RBFOX1: variants seen among roughly 807,000 people sequenced by gnomAD.
RBFOX1 encodes the protein RNA binding fox-1 homolog 1, also known as RNA binding protein fox-1 homolog 1.
Under a neutral mutation model 57.7 loss-of-function variants are expected in RBFOX1, and 8 were observed. The observed-to-expected ratio is 0.14, with a 90% CI of 0.08 to 0.25. The LOEUF (loss-of-function observed/expected upper bound fraction) is 0.25, where lower values mean the gene tolerates loss of function less well. Ranked by LOEUF, RBFOX1 falls within the 10% of genes least tolerant of loss-of-function variation. The probability of loss-of-function intolerance (pLI) is 1.00; values close to 1 mark genes in which losing one functional copy is unlikely to be tolerated. For missense variants in RBFOX1, 611 were observed against 548.5 expected (o/e 1.11, Z -1.14); for synonymous variants, 326 against 222.4 (o/e 1.47, Z -4.15).
At chr16:5,621,208 C>T (rs2151281501) in intron 3 of RBFOX1, among the ~76,000 whole-genome samples, 1 of 152,264 alleles carries the variant, frequency 6.6e-6, no homozygotes, top group South Asian at 2.1e-4. Context: ...AACTCTTCGG[C>T]TCATGGGATC....
At chr16:6,689,177 G>A (rs2059870512) in intron 3 of RBFOX1, among the ~76,000 whole-genome samples, 1 of 152,126 alleles carries the variant, frequency 6.6e-6, no homozygotes, top group Non-Finnish European at 1.5e-5. Flanking sequence ...TGGGTCAAAT[G>A]TTATTTCTTG....
At position 6,074,148 on chromosome 16, in the gene RBFOX1, C is replaced by G. The variant is rs146452424; in HGVS notation, c.-127+54156C>G. ...TAGTTTTAGTAGAGACAGGATTTCA[C>G]CATGTTAGCCATCATGGTCTTGACC... On this transcript the variant is annotated intron_variant, in intron 1 of 15. Transcript: ENST00000550418. Among the ~76,000 whole-genome samples, 310 of 152,214 alleles carry G rather than the reference C, an allele frequency of 2.0e-3. 1 individual carries two copies. The highest frequency in any genetic ancestry group is 6.4e-3 in the African/African-American group (267 of 41,528).
chr16:7,014,182 A>G (rs2093789262), intron 3 of RBFOX1, among the ~76,000 whole-genome samples: 1 of 151,922 alleles, frequency 6.6e-6, no homozygotes, highest in African/African-American at 2.4e-5. Context: ...ACAAATGAAA[A>G]TAACCTGTTC....
At chr16:5,981,947 G>A (rs2060182696) in intron 4 of RBFOX1, among the ~76,000 whole-genome samples, 1 of 152,226 alleles carries the variant, frequency 6.6e-6, no homozygotes, top group Non-Finnish European at 1.5e-5. Flanking sequence ...GAACTATGCA[G>A]TCCCAAAGGT....
At chr16:5,485,585 A>T (rs867356772) in intron 2 of RBFOX1, among the ~76,000 whole-genome samples, 1 of 152,192 alleles carries the variant, frequency 6.6e-6, no homozygotes. Flanking sequence ...TTTATTCCGC[A>T]TTATACCTCA....
In RBFOX1 at chr16:5,541,669, T is replaced by C. The variant is rs556621828; in HGVS notation, c.259-57233T>C. Among the ~76,000 whole-genome samples the C allele has an allele frequency of 1.2e-4, 19 of 152,316 alleles. No homozygotes were observed. In the East Asian group the frequency reaches 3.1e-3, roughly 25 times the overall value. On this transcript the variant is annotated intron_variant, in intron 2 of 2. Coordinates refer to the RBFOX1 transcript ENST00000585867. ...CCCTGAGCAGTTCCCAGCATGAGTT[T>C]TCCCTTTAGCTTAGTGATTTGGGGG... is the stretch of plus-strand genomic sequence containing the variant.
At chr16:7,381,961 G>C (rs981748532) in intron 4 of RBFOX1, among the ~76,000 whole-genome samples, 6 of 152,150 alleles carry the variant, frequency 3.9e-5, no homozygotes, top group Non-Finnish European at 8.8e-5. Context: ...TGTCCCCTGG[G>C]GGATGAAATG....
intron 4 of RBFOX1, among the ~76,000 whole-genome samples, chr16:7,269,939 T>C (rs1348417292): frequency 2.6e-5 from 4 of 152,274 alleles, no homozygotes; most frequent in Non-Finnish European, 5.9e-5. Context: ...TATTACATAC[T>C]TTATTAATTT....
intron 11 of RBFOX1, among the ~76,000 whole-genome samples, chr16:7,631,787 A>G (rs973104100): frequency 3.3e-5 from 5 of 152,198 alleles, no homozygotes; most frequent in African/African-American, 9.7e-5. Flanking sequence ...GAAGCTGAGG[A>G]AAACCAACCT....
chr16:7,131,422 G>C (rs373753730), intron 4 of RBFOX1, among the ~76,000 whole-genome samples: 1 of 136,664 alleles, frequency 7.3e-6, no homozygotes, highest in African/African-American at 2.8e-5. Context: ...TATGTTTTAA[G>C]TTATAGTTGG....
rs2082001593 is a variant in RBFOX1 at position 7,705,067 on chromosome 16, C to CAG, written c.996-3984_996-3983dup. Among the ~76,000 whole-genome samples the CAG allele has an allele frequency of 1.4e-5, 2 of 144,164 alleles. 1 individual carries two copies. Among genetic ancestry groups the CAG allele is most frequent in the South Asian group, 4.4e-4 (2 of 4,556 alleles). 94.6% of individuals were successfully genotyped at this position (144,164 alleles called of 152,430 possible). Reference sequence around the variant, plus strand: ...TCAAAAGAAAAAAAAAAAAAAAAGGCAGAGAGCCAGAGAAAGAAGCATCTC... The same window carrying CAG: ...TCAAAAGAAAAAAAAAAAAAAAAGGCAGAGAGAGCCAGAGAAAGAAGCATCTC... On this transcript the variant is annotated intron_variant, in intron 14 of 15. Coordinates refer to ENST00000550418, the MANE Select transcript of RBFOX1 (RefSeq NM_018723.4).
intron 2 of RBFOX1, among the ~76,000 whole-genome samples, chr16:6,352,801 G>C (rs138511801): frequency 6.6e-6 from 1 of 152,256 alleles, no homozygotes; most frequent in East Asian, 1.9e-4. Context: ...CATCTATTTA[G>C]TATTTCCAGG....
At chr16:7,396,176 T>G (rs2098135907) in intron 4 of RBFOX1, among the ~76,000 whole-genome samples, 1 of 152,072 alleles carries the variant, frequency 6.6e-6, no homozygotes, top group Non-Finnish European at 1.5e-5. Flanking sequence ...GACAGTGCCT[T>G]CTTTTCCCTG....
chr16:6,748,420 G>T (rs2074235968), intron 3 of RBFOX1, among the ~76,000 whole-genome samples: 1 of 152,118 alleles, frequency 6.6e-6, no homozygotes, highest in Non-Finnish European at 1.5e-5. Context: ...CAACACTTTG[G>T]AAGGCCGAGG....
At chr16:7,171,338 G>A (rs183788250) in intron 4 of RBFOX1, among the ~76,000 whole-genome samples, 27 of 152,300 alleles carry the variant, frequency 1.8e-4, no homozygotes, top group African/African-American at 6.0e-4. Flanking sequence ...TGAGGGTTCA[G>A]TGGGAAAATG....
intron 3 of RBFOX1, among the ~76,000 whole-genome samples, chr16:6,796,746 G>C (rs139650010): frequency 6.6e-6 from 1 of 151,942 alleles, no homozygotes; most frequent in Non-Finnish European, 1.5e-5. Flanking sequence ...GATCCTAAAC[G>C]CCCCATGAAG....
chr16:5,509,285 C>G (rs1164197534), intron 2 of RBFOX1, among the ~76,000 whole-genome samples: 1 of 152,154 alleles, frequency 6.6e-6, no homozygotes, highest in Non-Finnish European at 1.5e-5. Context: ...AGGGCAAATC[C>G]ATGCAGGTGA....
At chr16:7,269,972 C>T (rs115228028) in intron 4 of RBFOX1, among the ~76,000 whole-genome samples, 7 of 152,084 alleles carry the variant, frequency 4.6e-5, no homozygotes, top group African/African-American at 1.7e-4. Context: ...TTGGTATTGC[C>T]CTGTTTAAAC....
intron 2 of RBFOX1, among the ~76,000 whole-genome samples, chr16:6,520,663 G>A (rs1460190376): frequency 6.6e-6 from 1 of 152,198 alleles, no homozygotes; most frequent in East Asian, 1.9e-4. Flanking sequence ...GCAGGACCCA[G>A]GACAGTTCTG....
Sources: allele counts gnomAD v4.1 joint callset (sites outside exome capture counted in the v4.1 genomes callset), GRCh38; gene constraint gnomAD v4.1.1; transcripts MANE v1.5; gene names NCBI Gene and HGNC (gene_info 2026-07-23, HGNC 2026-07-21).